The following MID1 variants were observed in gnomAD, a reference collection of about 807,000 sequenced individuals.
MID1 encodes E3 ubiquitin-protein ligase Midline-1.
In MID1, 7 loss-of-function variants were observed where a neutral mutation model predicts 40.4. That is an observed-to-expected ratio of 0.17 (90% CI 0.10 to 0.33). MID1 has a LOEUF of 0.33. MID1 is among the 10% of genes least tolerant of loss of function. MID1 has a pLI of 1.00. For synonymous variants in MID1, 229 were observed against 221.2 expected, an observed-to-expected ratio of 1.04 and a Z score of -0.31; for missense variants, 367 against 558.5, an observed-to-expected ratio of 0.66 and a Z score of 3.46.
At chrX:10,545,821 C>G (rs188702771) in intron 2 of MID1, among the ~76,000 whole-genome samples, 1 of 111,703 alleles carries the variant, frequency 9.0e-6, no homozygotes. Flanking sequence ...TGTTTTATTG[C>G]TTTTTTAACA....
At chrX:10,824,234 G>A (rs886355743) in intron 1 of MID1, among the ~76,000 whole-genome samples, 6 of 112,010 alleles carry the variant, frequency 5.4e-5, no homozygotes, top group African/African-American at 1.9e-4. Flanking sequence ...TTGATGGTGT[G>A]CAAAGCTCAC....
chrX:10,520,347 C>CA (rs1569081912), intron 3 of MID1, among the ~76,000 whole-genome samples: 1 of 111,525 alleles, frequency 9.0e-6, no homozygotes, highest in Non-Finnish European at 1.9e-5. Context: ...TATTAGTCTT[C>CA]AAAAAAATGC....
At chrX:10,461,138 TACACAC>T (rs200040870) in intron 7 of MID1, among the ~76,000 whole-genome samples, 38 of 96,792 alleles carry the variant, frequency 3.9e-4, no homozygotes, top group Middle Eastern at 0.011. Context: ...TATCTAAAGA[TACACAC>T]ACACACACAC....
At chrX:10,630,334 G>A (rs766379806) in intron 1 of MID1, among the ~76,000 whole-genome samples, 2 of 111,531 alleles carry the variant, frequency 1.8e-5, no homozygotes, top group South Asian at 7.6e-4. Context: ...AAAGTCCTAA[G>A]GAAGTGAGGA....
Position 10,580,955 on chromosome X carries a change from A to C in MID1, c.-56-13352T>G, listed in dbSNP as rs986089489. ...CTGTAAAAAAAAAAAAAAAAAAAAAAAAACATGTAGAGGTCAGGCGCAGTG... is the reference window on the plus strand; with the variant it reads ...CTGTAAAAAAAAAAAAAAAAAAAAACAAACATGTAGAGGTCAGGCGCAGTG... On this transcript the variant is annotated intron_variant, in intron 1 of 9. Coordinates refer to ENST00000317552, the MANE Select transcript of MID1 (RefSeq NM_000381.4). Among the ~76,000 whole-genome samples the C allele has an allele frequency of 6.0e-3, 652 of 108,683 alleles. 2 individuals are homozygous for C. The highest frequency in any genetic ancestry group is 0.01 in the African/African-American group (303 of 29,563). The allele number at this position is 108,683 out of a possible 115,157, so 94.4% of individuals were successfully genotyped here. A position where few individuals can be genotyped will look rare whatever the true frequency, so the allele number is the denominator to read the frequency against.
chrX:10,640,736 T>C (rs1336110758), intron 1 of MID1, among the ~76,000 whole-genome samples: 25 of 109,826 alleles, frequency 2.3e-4, no homozygotes, highest in African/African-American at 6.0e-4. Context: ...CACACCACAC[T>C]TATTCCAAAA....
intron 1 of MID1, among the ~76,000 whole-genome samples, chrX:10,568,981 G>A (rs758287192): frequency 1.1e-4 from 12 of 111,678 alleles, no homozygotes; most frequent in African/African-American, 2.3e-4. Context: ...AATCACCCAC[G>A]GGGGTGGTGG....
In MID1 at chrX:10,705,956, C is replaced by T. The variant is rs745709120; in HGVS notation, c.-186-85537G>A. On this transcript the variant is annotated intron_variant, in intron 1 of 10. Coordinates refer to the MID1 transcript ENST00000380785. ...GTAAAGCAAACATGACTTTCATCCT[C>T]ATGGAACTCACAACCTAGTCCAGGG... Among the ~76,000 whole-genome samples, 749 of 112,098 alleles carry T rather than the reference C, an allele frequency of 6.7e-3. 2 individuals carry two copies. The highest frequency in any genetic ancestry group is 0.011 in the Non-Finnish European group (587 of 53,235).
intron 2 of MID1, among the ~76,000 whole-genome samples, chrX:10,542,569 TTTTA>T: frequency 8.9e-6 from 1 of 112,364 alleles, no homozygotes; most frequent in East Asian, 2.8e-4. Context: ...TACTTTCTTT[TTTTA>T]TTATCATTTT....
At chrX:10,466,529 GGATTTCTTGTGCATTGTGGGA>G (rs924695143) in intron 7 of MID1, among the ~76,000 whole-genome samples, 5 of 110,905 alleles carry the variant, frequency 4.5e-5, no homozygotes, top group African/African-American at 1.6e-4. Context: ...TGTTGTTGGG[GGATTTCTTGTGCATTGTGGGA>G]GATTTCCCAT....
rs145835923 is a variant in MID1 at position 10,687,774 on chromosome X, C to T, written c.-186-67355G>A. Among the ~76,000 whole-genome samples, 152 of 112,035 alleles carry T rather than the reference C, an allele frequency of 1.4e-3. 4 individuals are homozygous for T. The East Asian group carries it at 0.027, about 20-fold the overall frequency. ...TGTCACCCAGTCTGGAGTGCAGTGACGTGATCATGGCTTGCTGCAGCCTTG... is the reference window on the plus strand; with the variant it reads ...TGTCACCCAGTCTGGAGTGCAGTGATGTGATCATGGCTTGCTGCAGCCTTG... On this transcript the variant is annotated intron_variant, in intron 1 of 10. Transcript: ENST00000380785.
intron 2 of MID1, among the ~76,000 whole-genome samples, chrX:10,541,598 T>A (rs1344807876): frequency 9.0e-6 from 1 of 111,499 alleles, no homozygotes; most frequent in Non-Finnish European, 1.9e-5. Context: ...AGAGGTTTTT[T>A]AAATGAAAAC....
intron 7 of MID1, among the ~76,000 whole-genome samples, chrX:10,463,136 T>C (rs759633906): frequency 4.0e-4 from 45 of 112,430 alleles, no homozygotes; most frequent in South Asian, 7.3e-4. Flanking sequence ...TATCTAGTTA[T>C]TGATAAGCAA....
chrX:10,527,776 T>C (rs767532649), intron 2 of MID1, among the ~76,000 whole-genome samples: 10 of 111,730 alleles, frequency 9.0e-5, no homozygotes, highest in African/African-American at 3.3e-4. Flanking sequence ...AGCCTCTGTC[T>C]ACAAAATCTC....
chrX:10,569,634 C>T (rs916502559), intron 1 of MID1, among the ~76,000 whole-genome samples: 7 of 111,913 alleles, frequency 6.3e-5, no homozygotes, highest in African/African-American at 1.6e-4. Context: ...AACAAGAATG[C>T]CTACCAATGA....
chrX:10,751,988 C>T (rs981378372), intron 1 of MID1, among the ~76,000 whole-genome samples: 13 of 111,443 alleles, frequency 1.2e-4, no homozygotes, highest in Non-Finnish European at 2.3e-4. Flanking sequence ...TCTCTTGCTC[C>T]CTCTCTTGCC....
At chrX:10,677,870 G>A (rs1413736439) in intron 1 of MID1, 1 of 109,986 alleles carries the variant, frequency 9.1e-6, no homozygotes, top group East Asian at 2.9e-4. Flanking sequence ...GCCTCTGCTT[G>A]GTGACAATGC....
chrX:10,594,123 G>T (rs773740450), intron 1 of MID1, among the ~76,000 whole-genome samples: 1 of 111,352 alleles, frequency 9.0e-6, no homozygotes, highest in South Asian at 3.7e-4. Flanking sequence ...GGACTGTATT[G>T]TAAGGCATAT....
At chrX:10,559,982 A>G in intron 2 of MID1, among the ~76,000 whole-genome samples, 2 of 108,524 alleles carry the variant, frequency 1.8e-5, no homozygotes, top group Admixed American at 2.0e-4. Context: ...TCCCAGGCTC[A>G]ATGATCCTCT....
Sources: gnomAD v4.1 joint callset for allele counts (sites outside exome capture counted in the v4.1 genomes callset) on GRCh38, gnomAD v4.1.1 for gene constraint, MANE v1.5 for transcripts, NCBI Gene and HGNC (gene_info 2026-07-23, HGNC 2026-07-21) for gene names.